ADIPOR2: variants seen among roughly 807,000 people sequenced by gnomAD.
ADIPOR2 encodes adiponectin receptor 2, also known as adiponectin receptor protein 2.
Under a neutral mutation model 40.9 loss-of-function variants are expected in ADIPOR2, and 18 were observed. The observed-to-expected ratio is 0.44, with a 90% CI of 0.30 to 0.65. The LOEUF (loss-of-function observed/expected upper bound fraction) is 0.65. Among genes scored for constraint, ADIPOR2 ranks in the 30% least tolerant of loss-of-function variants. The probability of loss-of-function intolerance (pLI) is 0.09; values close to 1 mark genes in which losing one functional copy is unlikely to be tolerated. For synonymous variants in ADIPOR2, 165 were observed against 166.4 expected (o/e 0.99, Z 0.06); for missense variants, 283 against 479.2 (o/e 0.59, Z 3.82).
intron 5 of ADIPOR2, 32 bp downstream of exon 5, chr12:1,780,669 A>T: frequency 6.6e-7 from 1 of 1,520,422 alleles, no homozygotes. Flanking sequence ...ATTTTGGCCA[A>T]TGATTTAGAG....
At chr12:1,757,475 C>G in intron 2 of ADIPOR2, 1 of 729,732 alleles carries the variant, frequency 1.4e-6, no homozygotes, top group Non-Finnish European at 2.5e-6. Flanking sequence ...CACCTACAGT[C>G]ACCATGCATA....
chr12:1,735,119 G>C (rs975741788), intron 1 of ADIPOR2, among the ~76,000 whole-genome samples: 13 of 151,972 alleles, frequency 8.6e-5, no homozygotes, highest in African/African-American at 2.7e-4. Flanking sequence ...TAGTTTTTTC[G>C]AATTCTGTGA....
At chr12:1,693,675 A>G (rs938687235) in intron 1 of ADIPOR2, among the ~76,000 whole-genome samples, 4 of 152,022 alleles carry the variant, frequency 2.6e-5, no homozygotes, top group African/African-American at 9.7e-5. Flanking sequence ...CTGGGATTAC[A>G]GGTGTGCGCC....
chr12:1,735,370 G>A (rs2154442705), intron 1 of ADIPOR2, among the ~76,000 whole-genome samples: 1 of 152,264 alleles, frequency 6.6e-6, no homozygotes, highest in African/African-American at 2.4e-5. Flanking sequence ...GTGAATGGGA[G>A]TTCACTCATG....
intron 2 of ADIPOR2, among the ~76,000 whole-genome samples, chr12:1,771,867 C>A (rs185557954): frequency 6.6e-6 from 1 of 152,288 alleles, no homozygotes; most frequent in East Asian, 1.9e-4. Context: ...AATTATGGTT[C>A]TCTTGTGCTG....
chr12:1,701,106 T>TA, intron 1 of ADIPOR2, among the ~76,000 whole-genome samples: 2 of 151,838 alleles, frequency 1.3e-5, no homozygotes, highest in East Asian at 3.9e-4. Context: ...AGTTAACTAT[T>TA]ATTCTGAGTA....
chr12:1,786,480 A>G lies in ADIPOR2; in HGVS notation c.*408A>G, dbSNP rs1347917754. On this transcript the variant is annotated 3_prime_UTR_variant, in exon 8 of 8. Transcript: ENST00000357103. ...ATAATACAAACCAATTTAAGTGAAC[A>G]TTTATATCCGATAAGGGGTGGGAGT... 1 of 162,152 alleles carries G rather than the reference A, an allele frequency of 6.2e-6. No homozygotes were observed. The highest frequency in any genetic ancestry group is 1.8e-4 in the East Asian group (1 of 5,588). 10.0% of individuals were successfully genotyped at this position (162,152 alleles called of 1,614,324 possible).
At chr12:1,729,642 G>A (rs970510053) in intron 1 of ADIPOR2, among the ~76,000 whole-genome samples, 5 of 25,074 alleles carry the variant, frequency 2.0e-4, no homozygotes, top group African/African-American at 7.0e-4. Context: ...TTTTTTTTTT[G>A]AGTGTTTTTT....
At chr12:1,753,343 GAAAA>G (rs753041791) in intron 1 of ADIPOR2, among the ~76,000 whole-genome samples, 3 of 152,208 alleles carry the variant, frequency 2.0e-5, no homozygotes, top group Non-Finnish European at 4.4e-5. Context: ...CCAAGGACTT[GAAAA>G]GCTTGAACTC....
chr12:1,784,061 A>T lies in ADIPOR2; in HGVS notation c.1020A>T (p.Lys340Asn). Residue 340 changes from lysine (K) to asparagine (N), a missense_variant, in exon 7 of 8, where the codon AAA becomes AAT. By Grantham distance (94) the Lys-to-Asn change is moderately conservative. Around this residue, in one of 3 missense-constraint regions of ADIPOR2, gnomAD observed 106 missense variants for 149.7 expected, o/e 0.71. Coordinates refer to ENST00000357103, the MANE Select transcript of ADIPOR2 (RefSeq NM_024551.3). The stretch of plus-strand genomic sequence containing the variant: ...TCCCCGAACGCTTTTTCCCTGGCAA[A>T]TGTGACATCTGGGTAAGTATGTCGG... ...ARIPERFFPGKCDIWFHSHQL... is the reference protein window; with the variant it reads ...ARIPERFFPGNCDIWFHSHQL... The T allele has an allele frequency of 6.3e-7, 1 of 1,593,968 alleles. No homozygotes were observed. The highest frequency in any genetic ancestry group is 8.6e-7 in the Non-Finnish European group (1 of 1,168,110).
intron 1 of ADIPOR2, among the ~76,000 whole-genome samples, chr12:1,745,839 G>A (rs909671111): frequency 7.9e-5 from 12 of 151,726 alleles, no homozygotes; most frequent in African/African-American, 2.4e-4. Flanking sequence ...GTTCAGATGT[G>A]TTATAACAAG....
chr12:1,749,372 G>A (rs2094763941), intron 1 of ADIPOR2, among the ~76,000 whole-genome samples: 1 of 152,228 alleles, frequency 6.6e-6, no homozygotes, highest in Non-Finnish European at 1.5e-5. Context: ...AACATTAAGT[G>A]TGGAAAGCAG....
intron 1 of ADIPOR2, among the ~76,000 whole-genome samples, chr12:1,702,201 A>G (rs2094651786): frequency 6.6e-6 from 1 of 152,214 alleles, no homozygotes; most frequent in African/African-American, 2.4e-5. Flanking sequence ...GGAATTAGAA[A>G]AATATCAGGT....
intron 1 of ADIPOR2, among the ~76,000 whole-genome samples, chr12:1,735,625 A>C (rs2094728796): frequency 6.6e-6 from 1 of 152,180 alleles, no homozygotes; most frequent in African/African-American, 2.4e-5. Context: ...AGAACTTCCA[A>C]CACTATGTTG....
At position 1,756,452 on chromosome 12, in the gene ADIPOR2, CT is replaced by C. The variant is rs71055194; in HGVS notation, c.171+1957del. Among the ~76,000 whole-genome samples, 1,212 of 132,350 alleles carry C rather than the reference CT, an allele frequency of 9.2e-3. 7 individuals are homozygous for C. Among genetic ancestry groups the C allele is most frequent in the African/African-American group, 0.023 (835 of 35,644 alleles). 86.8% of individuals were successfully genotyped at this position (132,350 alleles called of 152,430 possible). Reference sequence around the variant, plus strand: ...AGCGTGAGCCACTGTGCCTGGCCTTCTTTTTTTTTTTTTTTTTTTAAAGGAC... The same window carrying C: ...AGCGTGAGCCACTGTGCCTGGCCTTCTTTTTTTTTTTTTTTTTTAAAGGAC... On this transcript the variant is annotated intron_variant, in intron 2 of 7. Transcript: ENST00000357103.
At chr12:1,722,920 G>C (rs2094700630) in intron 1 of ADIPOR2, among the ~76,000 whole-genome samples, 1 of 152,114 alleles carries the variant, frequency 6.6e-6, no homozygotes, top group African/African-American at 2.4e-5. Flanking sequence ...ATACCAAAAT[G>C]CTCCTTAAAC....
In ADIPOR2 at chr12:1,766,752, C is replaced by A. The variant is rs1258244073; in HGVS notation, c.172-6090C>A. On this transcript the variant is annotated intron_variant, in intron 2 of 7. Transcript: ENST00000357103. ...TATTAGGTTGAATAAAGAGATCAGCCTTTATGGTTGTCCTACTTTTCTTCT... is the reference window on the plus strand; with the variant it reads ...TATTAGGTTGAATAAAGAGATCAGCATTTATGGTTGTCCTACTTTTCTTCT... 2.0e-5 allele frequency among the ~76,000 whole-genome samples: 3 copies of A among 152,274 alleles called. No individual in the cohort carries two copies. The East Asian group carries it at 5.8e-4, about 29-fold the overall frequency.
intron 1 of ADIPOR2, among the ~76,000 whole-genome samples, chr12:1,714,419 G>A (rs964236292): frequency 6.6e-6 from 1 of 152,024 alleles, no homozygotes; most frequent in African/African-American, 2.4e-5. Context: ...CAGCTGACTG[G>A]GTAATAAACT....
At chr12:1,743,262 A>G (rs2094747342) in intron 1 of ADIPOR2, among the ~76,000 whole-genome samples, 1 of 146,116 alleles carries the variant, frequency 6.8e-6, no homozygotes, top group South Asian at 2.2e-4. Flanking sequence ...CAGTGAGCCA[A>G]GATTGTGCCA....
Sources: gnomAD v4.1 joint callset for allele counts (sites outside exome capture counted in the v4.1 genomes callset) on GRCh38, gnomAD v4.1.1 for gene constraint, gnomAD v4.1.1 regional missense constraint, MANE v1.5 for transcripts, NCBI Gene and HGNC (gene_info 2026-07-23, HGNC 2026-07-21) for gene names.